The following ZNF490 variants were observed in gnomAD, a reference collection of about 807,000 sequenced individuals.
ZNF490 encodes the protein zinc finger protein 490.
ZNF490 carries 11 observed loss-of-function variants against 17.7 expected under a neutral mutation model. That is an observed-to-expected ratio of 0.62 (90% CI 0.39 to 1.03). The LOEUF (loss-of-function observed/expected upper bound fraction) is 1.03, where lower values mean the gene tolerates loss of function less well. ZNF490 is among the 50% of genes least tolerant of loss of function. ZNF490 has a pLI of 0.00. For synonymous variants in ZNF490, 222 were observed against 216.1 expected (o/e 1.03, Z -0.24); for missense variants, 542 against 643.4 (o/e 0.84, Z 1.71).
rs968210831 is a variant in ZNF490, at chr19:12,578,395, G to A, written c.*2090C>T. The A allele has an allele frequency of 1.0e-6, 1 of 985,398 alleles. No individual in the cohort carries two copies. Among genetic ancestry groups the A allele is most frequent in the Admixed American group, 6.2e-5 (1 of 16,230 alleles). The allele number at this position is 985,398 out of a possible 1,614,324, so 61.0% of individuals were successfully genotyped here. ...AACCGCAGGAGAGTGGATGCTGTGT[G>A]GTCAAGGGGTGTGTGTCCCATGATA... On this transcript the variant is annotated 3_prime_UTR_variant, in exon 5 of 5. Transcript: ENST00000311437.
chr19:12,610,804 A>C lies in ZNF490; in HGVS notation c.-124T>G. The C allele has an allele frequency of 1.6e-5, 16 of 998,658 alleles. 1 individual carries two copies. The highest frequency in any genetic ancestry group is 2.2e-5 in the Non-Finnish European group (14 of 646,712). The allele number at this position is 998,658 out of a possible 1,614,324, so 61.9% of individuals were successfully genotyped here. A position where few individuals can be genotyped will look rare whatever the true frequency, so the allele number is the denominator to read the frequency against. ...CAGTTCCGTCCCACCGGCGGAAGCG[A>C]GATCTGCCTAGCTACTAGACCTGCT... On this transcript the variant is annotated 5_prime_UTR_variant, in exon 1 of 5. Transcript: ENST00000311437.
chr19:12,609,943 C>T (rs764711957), intron 1 of ZNF490: 7 of 455,346 alleles, frequency 1.5e-5, no homozygotes, highest in Non-Finnish European at 3.1e-5. Flanking sequence ...GAAATATATC[C>T]ACGTAACACA....
At chr19:12,605,522 TAAGTA>T (rs1286021056) in intron 2 of ZNF490, among the ~76,000 whole-genome samples, 1 of 151,706 alleles carries the variant, frequency 6.6e-6, no homozygotes, top group Non-Finnish European at 1.5e-5. Context: ...TGGGTGAATG[TAAGTA>T]AAGTGTTTCT....
chr19:12,581,329 G>T lies in ZNF490; in HGVS notation c.746C>A (p.Pro249His). The T allele has an allele frequency of 6.2e-7, 1 of 1,614,044 alleles. No individual in the cohort carries two copies. The highest frequency in any genetic ancestry group is 8.5e-7 in the Non-Finnish European group (1 of 1,180,002). Residue 249 changes from proline to histidine, a missense_variant, in exon 5 of 5, where the codon CCC becomes CAC. By Grantham distance (77) the Pro-to-His change is moderately conservative. Coordinates refer to ENST00000311437, the MANE Select transcript of ZNF490 (RefSeq NM_020714.3). ...CTTCCCACATTCCTTACATTCATAG[G>T]GTGTCTCTCCAGTATGAATTCTTAT... ...NHIRIHTGETPYECKECGKAF... is the reference protein window; with the variant it reads ...NHIRIHTGETHYECKECGKAF...
rs561054905 is a variant in ZNF490 at position 12,588,507 on chromosome 19, A to G, written c.163-4951T>C. 2.0e-4 allele frequency among the ~76,000 whole-genome samples: 30 copies of G among 152,354 alleles called. 1 individual carries two copies. Among genetic ancestry groups the G allele is most frequent in the Admixed American group, 1.3e-3 (20 of 15,298 alleles). On this transcript the variant is annotated intron_variant, in intron 2 of 4. Coordinates refer to ENST00000311437, the MANE Select transcript of ZNF490 (RefSeq NM_020714.3). ...CTAATACAACTGCAGGAAGAAATAC[A>G]TGAATTCACTGGTACAGCTGTATAT...
rs1214784376 is a variant in ZNF490, at chr19:12,610,775, G to C, written c.-95C>G. Reference sequence around the variant, plus strand: ...GCTTCAACACAATTGTCCACGGAGGGCACCAGTTCCGTCCCACCGGCGGAA... The same window carrying C: ...GCTTCAACACAATTGTCCACGGAGGCCACCAGTTCCGTCCCACCGGCGGAA... On this transcript the variant is annotated 5_prime_UTR_variant, in exon 1 of 5. Transcript: ENST00000311437. The C allele has an allele frequency of 7.8e-7, 1 of 1,286,304 alleles. No individual in the cohort carries two copies. Among genetic ancestry groups the C allele is most frequent in the African/African-American group, 1.5e-5 (1 of 68,800 alleles). The allele number at this position is 1,286,304 out of a possible 1,614,324, so 79.7% of individuals were successfully genotyped here. A position where few individuals can be genotyped will look rare whatever the true frequency, so the allele number is the denominator to read the frequency against.
intron 2 of ZNF490, among the ~76,000 whole-genome samples, chr19:12,599,248 G>T (rs1043276779): frequency 1.4e-5 from 2 of 148,032 alleles, no homozygotes; most frequent in African/African-American, 5.0e-5. Context: ...ATAAAGAAAA[G>T]ATATTTTATA....
intron 2 of ZNF490, among the ~76,000 whole-genome samples, chr19:12,606,109 A>ACCTCAGGT (rs2023065830): frequency 6.6e-6 from 1 of 151,448 alleles, no homozygotes; most frequent in African/African-American, 2.4e-5. Context: ...CAAACTCCCG[A>ACCTCAGGT]CCTCAGGTGA....
chr19:12,599,176 GA>G (rs913526395), intron 2 of ZNF490, among the ~76,000 whole-genome samples: 28 of 119,874 alleles, frequency 2.3e-4, no homozygotes, highest in Non-Finnish European at 4.1e-4. Flanking sequence ...AGAAAGAAAA[GA>G]AAAAAAAAGA....
Position 12,610,751 on chromosome 19 carries a change from C to G in ZNF490, c.-71G>C. The G allele has an allele frequency of 6.8e-7, 1 of 1,480,824 alleles. No homozygotes were observed. Among genetic ancestry groups the G allele is most frequent in the Non-Finnish European group, 9.4e-7 (1 of 1,066,524 alleles). 91.7% of individuals were successfully genotyped at this position (1,480,824 alleles called of 1,614,324 possible). A position where few individuals can be genotyped will look rare whatever the true frequency, so the allele number is the denominator to read the frequency against. ...GACCCGAGATCCGGAACAATTTCTGCTTCAACACAATTGTCCACGGAGGGC... is the reference window on the plus strand; with the variant it reads ...GACCCGAGATCCGGAACAATTTCTGGTTCAACACAATTGTCCACGGAGGGC... On this transcript the variant is annotated 5_prime_UTR_variant, in exon 1 of 5. Coordinates refer to ENST00000311437, the MANE Select transcript of ZNF490 (RefSeq NM_020714.3).
chr19:12,599,112 C>A (rs1231746562), intron 2 of ZNF490, among the ~76,000 whole-genome samples: 8 of 121,796 alleles, frequency 6.6e-5, no homozygotes, highest in Middle Eastern at 7.6e-3. Flanking sequence ...TGCACTCCAG[C>A]CTGGGCAACA....
chr19:12,609,617 T>A (rs2023118504), intron 1 of ZNF490, among the ~76,000 whole-genome samples: 1 of 152,188 alleles, frequency 6.6e-6, no homozygotes, highest in South Asian at 2.1e-4. Context: ...GCTCTTGGTC[T>A]TTCCAAGTTC....
At chr19:12,603,517 C>T (rs148639189) in intron 2 of ZNF490, among the ~76,000 whole-genome samples, 4,257 of 151,780 alleles carry the variant, frequency 0.028, 90 homozygotes, top group Non-Finnish European at 0.047. Context: ...AAAGGCTGGG[C>T]GCTGGGGCTC....
intron 2 of ZNF490, among the ~76,000 whole-genome samples, chr19:12,602,079 T>TACACAC (rs61568541): frequency 0.014 from 959 of 68,608 alleles, 10 homozygotes; most frequent in South Asian, 0.034. Flanking sequence ...GTTCACTATA[T>TACACAC]ACACACACAC....
Position 12,581,264 on chromosome 19 carries a change from T to C in ZNF490, c.811A>G (p.Asn271Asp). Residue 271 changes from asparagine to aspartate, a missense_variant, in exon 5 of 5, where the codon AAT becomes GAT. Physicochemically the swap from Asn to Asp is conservative, Grantham distance 23. Transcript: ENST00000311437. ...TTGTAGGGTTTCTCTCCAGTGTGAT[T>C]TTTTTCATGGCGCCGAAGAGCAGTG... ...YLTALRRHEK[N>D]HTGEKPYKCK... The C allele has an allele frequency of 6.2e-7, 1 of 1,614,172 alleles. No individual in the cohort carries two copies. The highest frequency in any genetic ancestry group is 8.5e-7 in the Non-Finnish European group (1 of 1,180,036).
intron 2 of ZNF490, among the ~76,000 whole-genome samples, chr19:12,601,344 C>T (rs1305372366): frequency 4.0e-5 from 6 of 151,470 alleles, no homozygotes; most frequent in South Asian, 2.1e-4. Context: ...GCCGATATTG[C>T]GCCATTGCAC....
chr19:12,580,085 C>T lies in ZNF490; in HGVS notation c.*400G>A. On this transcript the variant is annotated 3_prime_UTR_variant, in exon 5 of 5. Transcript: ENST00000311437. ...TCGCACCACTGCACTCCAGCCTGGG[C>T]AACAAGAGCAAAATTACATCTCAAC... 7 of 967,352 alleles carry T rather than the reference C, an allele frequency of 7.2e-6. No individual in the cohort carries two copies. Among genetic ancestry groups the T allele is most frequent in the Non-Finnish European group, 8.6e-6 (7 of 811,956 alleles). The allele number at this position is 967,352 out of a possible 1,614,324, so 59.9% of individuals were successfully genotyped here. A position where few individuals can be genotyped will look rare whatever the true frequency, so the allele number is the denominator to read the frequency against.
Position 12,581,228 on chromosome 19 carries a change from ACT to A in ZNF490, c.845_846del (p.Gln282LeufsTer25), listed in dbSNP as rs1304789186. Reference protein sequence around the residue: ...HTGEKPYKCKQCGKAFIYYQP... With the variant: ...HTGEKPYKCKXCGKAFIYYQP... ...TGGTAATATATAAAGGCTTTTCCACACTGTTTACATTTGTAGGGTTTCTCTCC... is the reference window on the plus strand; with the variant it reads ...TGGTAATATATAAAGGCTTTTCCACAGTTTACATTTGTAGGGTTTCTCTCC... On this transcript the variant is annotated frameshift_variant, in exon 5 of 5. Coordinates refer to ENST00000311437, the MANE Select transcript of ZNF490 (RefSeq NM_020714.3). LOFTEE classifies it low-confidence loss of function (END_TRUNC). 1 of 1,613,942 alleles carries A rather than the reference ACT, an allele frequency of 6.2e-7. No homozygotes were observed. The highest frequency in any genetic ancestry group is 8.5e-7 in the Non-Finnish European group (1 of 1,180,000).
At position 12,608,483 on chromosome 19, in the gene ZNF490, ATTT is replaced by A. The variant is rs1415664779; in HGVS notation, c.162+672_162+674del. Reference sequence around the variant, plus strand: ...TATTTATTTATTTATTTATTTATTTATTTTTGAGACAGAGTTTCACTCTGTTGC... The same window carrying A: ...TATTTATTTATTTATTTATTTATTTATTGAGACAGAGTTTCACTCTGTTGC... On this transcript the variant is annotated intron_variant, in intron 2 of 4. Coordinates refer to ENST00000311437, the MANE Select transcript of ZNF490 (RefSeq NM_020714.3). Among the ~76,000 whole-genome samples the A allele has an allele frequency of 4.0e-5, 4 of 100,776 alleles. No individual in the cohort carries two copies. The East Asian group carries it at 6.4e-4, about 16-fold the overall frequency. The allele number at this position is 100,776 out of a possible 152,430, so 66.1% of individuals were successfully genotyped here.
Sources: allele counts gnomAD v4.1 joint callset (sites outside exome capture counted in the v4.1 genomes callset), GRCh38; gene constraint gnomAD v4.1.1; transcripts MANE v1.5; gene names NCBI Gene and HGNC (gene_info 2026-07-23, HGNC 2026-07-21).